The following IMMP1L variants were observed in gnomAD, a reference collection of about 807,000 sequenced individuals.
IMMP1L encodes inner mitochondrial membrane peptidase subunit 1.
A neutral mutation model predicts 21.8 loss-of-function variants in IMMP1L; 24 were observed. That is an observed-to-expected ratio of 1.10 (90% CI 0.80 to 1.55). The LOEUF (loss-of-function observed/expected upper bound fraction) is 1.55, where lower values mean the gene tolerates loss of function less well. IMMP1L is among the 40% of genes most tolerant of loss of function. The pLI is 0.00. For synonymous variants in IMMP1L, 46 were observed against 62.8 expected, an observed-to-expected ratio of 0.73 and a Z score of 1.26; for missense variants, 195 against 200.7, an observed-to-expected ratio of 0.97 and a Z score of 0.17.
chr11:31,453,107 T>C, intron 4 of IMMP1L: 1 of 1,289,028 alleles, frequency 7.8e-7, no homozygotes, highest in Non-Finnish European at 1.0e-6. Flanking sequence ...CAGTAAAAAA[T>C]AAAGCTGATT....
Position 31,471,604 on chromosome 11 carries a change from A to C in IMMP1L, c.-29-8299T>G, listed in dbSNP as rs117829776. ...TTCATAGAAGTTTAGTACTTCCTCC[A>C]ATGTAATAAAAGGGAAGAAAAATAT... On this transcript the variant is annotated intron_variant, in intron 1 of 5. Coordinates refer to ENST00000532287, the MANE Select transcript of IMMP1L (RefSeq NM_001304274.2). 2.2e-3 allele frequency among the ~76,000 whole-genome samples: 333 copies of C among 152,312 alleles called. 3 individuals carry two copies. Among genetic ancestry groups the C allele is most frequent in the Non-Finnish European group, 3.8e-3 (257 of 68,022 alleles).
intron 3 of IMMP1L, among the ~76,000 whole-genome samples, chr11:31,459,611 TA>T (rs1193554747): frequency 2.6e-5 from 4 of 152,144 alleles, no homozygotes; most frequent in Admixed American, 2.6e-4. Flanking sequence ...TTATCATTAT[TA>T]TTTTTTTGTG....
chr11:31,492,392 G>A (rs1955285149), intron 1 of IMMP1L, among the ~76,000 whole-genome samples: 1 of 152,140 alleles, frequency 6.6e-6, no homozygotes, highest in South Asian at 2.1e-4. Context: ...TTGACTTGAA[G>A]GAACATTGTG....
chr11:31,446,058 C>T (rs1410961741), intron 4 of IMMP1L, among the ~76,000 whole-genome samples: 2 of 152,134 alleles, frequency 1.3e-5, no homozygotes, highest in East Asian at 1.9e-4. Flanking sequence ...GACTTCTACA[C>T]TTGTCCAAAA....
At chr11:31,451,164 C>G (rs1953741644) in intron 4 of IMMP1L, among the ~76,000 whole-genome samples, 1 of 152,076 alleles carries the variant, frequency 6.6e-6, no homozygotes, top group Non-Finnish European at 1.5e-5. Flanking sequence ...CAGGGTCTTG[C>G]AGGCCACCAT....
At chr11:31,475,391 CATT>C (rs1463704265) in intron 1 of IMMP1L, among the ~76,000 whole-genome samples, 2 of 152,096 alleles carry the variant, frequency 1.3e-5, no homozygotes, top group African/African-American at 4.8e-5. Flanking sequence ...TATCATTTAG[CATT>C]ATCATAGGCT....
At chr11:31,436,354 A>C (rs923960030) in intron 4 of IMMP1L, among the ~76,000 whole-genome samples, 1 of 152,226 alleles carries the variant, frequency 6.6e-6, no homozygotes, top group Non-Finnish European at 1.5e-5. Context: ...TTGAAAGCAC[A>C]ATGATAACTG....
chr11:31,437,113 C>G (rs1953149952), intron 4 of IMMP1L: 1 of 439,050 alleles, frequency 2.3e-6, no homozygotes, highest in East Asian at 7.0e-5. Context: ...TTTGCTGATC[C>G]ACCTCTATAA....
chr11:31,436,025 G>C (rs1953105732), intron 4 of IMMP1L, among the ~76,000 whole-genome samples: 1 of 152,080 alleles, frequency 6.6e-6, no homozygotes. Flanking sequence ...ATATTATTCT[G>C]TGTGTTTTCT....
chr11:31,470,278 C>T (rs1210216996), intron 1 of IMMP1L, among the ~76,000 whole-genome samples: 1 of 151,858 alleles, frequency 6.6e-6, no homozygotes, highest in Non-Finnish European at 1.5e-5. Context: ...CCAGGTGTGG[C>T]AGCGCATGCC....
intron 4 of IMMP1L, chr11:31,437,049 C>A: frequency 2.8e-6 from 1 of 359,466 alleles, no homozygotes; most frequent in Non-Finnish European, 5.6e-6. Context: ...AACAAGATCT[C>A]TATAAAACAA....
At chr11:31,503,397 T>A (rs1034176158) in intron 1 of IMMP1L, among the ~76,000 whole-genome samples, 1 of 151,658 alleles carries the variant, frequency 6.6e-6, no homozygotes, top group African/African-American at 2.4e-5. Flanking sequence ...AAATAAATGA[T>A]AAATAAATAG....
intron 4 of IMMP1L, among the ~76,000 whole-genome samples, chr11:31,455,670 CA>C (rs1465254777): frequency 6.6e-6 from 1 of 152,192 alleles, no homozygotes; most frequent in Non-Finnish European, 1.5e-5. Context: ...CTGTTCCAAT[CA>C]ATGACAGGGC....
intron 2 of IMMP1L, among the ~76,000 whole-genome samples, chr11:31,461,350 G>C (rs1329764585): frequency 2.0e-5 from 3 of 152,092 alleles, no homozygotes; most frequent in African/African-American, 4.8e-5. Flanking sequence ...CAAAACTTTG[G>C]AAGAATGACT....
At chr11:31,485,229 A>T (rs1955031867) in intron 1 of IMMP1L, among the ~76,000 whole-genome samples, 1 of 151,900 alleles carries the variant, frequency 6.6e-6, no homozygotes, top group Non-Finnish European at 1.5e-5. Flanking sequence ...CATTTTTAAC[A>T]GGTAGTATCA....
intron 1 of IMMP1L, among the ~76,000 whole-genome samples, chr11:31,497,903 CA>C: frequency 6.6e-6 from 1 of 152,102 alleles, no homozygotes; most frequent in Non-Finnish European, 1.5e-5. Flanking sequence ...CACACATACA[CA>C]AATTTTTTTA....
chr11:31,484,715 T>C (rs1455295958), intron 1 of IMMP1L, among the ~76,000 whole-genome samples: 5 of 151,906 alleles, frequency 3.3e-5, no homozygotes, highest in African/African-American at 9.7e-5. Flanking sequence ...TGCATCATTT[T>C]GCACTTCCAC....
intron 1 of IMMP1L, among the ~76,000 whole-genome samples, chr11:31,469,282 CAGAA>C (rs1214503167): frequency 2.0e-5 from 3 of 150,810 alleles, no homozygotes; most frequent in African/African-American, 4.9e-5. Context: ...AAGTACAAAA[CAGAA>C]AGAGAGCAAC....
rs542135618 is a variant in IMMP1L, at chr11:31,436,645, T to C, written c.322-3075A>G. ...CAGGGTTTCACCATGTTGGCCAGGC[T>C]GGTCTTGAACTCCTGACCTCAAGCA... is the stretch of plus-strand genomic sequence containing the variant. On this transcript the variant is annotated intron_variant, in intron 4 of 5. Coordinates refer to ENST00000532287, the MANE Select transcript of IMMP1L (RefSeq NM_001304274.2). 5.3e-5 allele frequency among the ~76,000 whole-genome samples: 8 copies of C among 152,186 alleles called. No individual in the cohort carries two copies. The South Asian group carries it at 1.7e-3, about 32-fold the overall frequency.
Sources: gnomAD v4.1 joint callset for allele counts (sites outside exome capture counted in the v4.1 genomes callset) on GRCh38, gnomAD v4.1.1 for gene constraint, MANE v1.5 for transcripts, NCBI Gene and HGNC (gene_info 2026-07-23, HGNC 2026-07-21) for gene names.